Variants in MADD observed in about 807,000 individuals in gnomAD.
MADD encodes MAP kinase-activating death domain protein.
In MADD, 109 loss-of-function variants were observed where a neutral mutation model predicts 176.7. The ratio of observed to expected loss-of-function variants is 0.62; its 90% CI spans 0.53 to 0.72. MADD has a LOEUF of 0.72. MADD is among the 30% of genes least tolerant of loss of function. The pLI is 0.00. For missense variants in MADD, 1,914 were observed against 2,045.5 expected (o/e 0.94, Z 1.24); for synonymous variants, 771 against 771.3 (o/e 1.00, Z 0.01).
exon 3 of MADD, chr11:47,274,619 T>C: frequency 6.2e-7 from 1 of 1,614,216 alleles, no homozygotes; most frequent in East Asian, 2.2e-5. Context: ...CGATACCCCT[T>C]GGAGGATCAC....
intron 12 of MADD, 88 bp from the exon 13 acceptor site, chr11:47,284,853 C>A: frequency 1.3e-6 from 2 of 1,543,914 alleles, no homozygotes; most frequent in Admixed American, 1.8e-5. Context: ...AGAAATCTGA[C>A]AGGCCTGGTC....
At chr11:47,290,416 G>A in intron 18 of MADD, 117 bp downstream of exon 19, 1 of 1,397,796 alleles carries the variant, frequency 7.2e-7, no homozygotes, top group South Asian at 1.4e-5. Context: ...TTCCCATTAG[G>A]CTTTGGGATT....
At chr11:47,285,769 A>G (rs1395333792) in intron 14 of MADD, among the ~76,000 whole-genome samples, 179 bp downstream of exon 14, 1 of 58,614 alleles carries the variant, frequency 1.7e-5, no homozygotes. Context: ...AGTAAAGGAC[A>G]GGGACAGATT....
Position 47,284,352 on chromosome 11 carries a change from C to T in MADD, c.1967-23C>T, listed in dbSNP as rs746524359. The T allele has an allele frequency of 5.6e-6, 9 of 1,613,958 alleles. No individual in the cohort carries two copies. The East Asian group carries it at 1.8e-4, about 32-fold the overall frequency. On this transcript the variant is annotated intron_variant, in intron 11 of 32. Coordinates refer to ENST00000402192, the Ensembl canonical transcript of MADD. The stretch of plus-strand genomic sequence containing the variant: ...GGCCCAAGGATGGAGTGGTCTGTAC[C>T]TGCCTCCCTTGGATTTTGGCAGATG...
rs1223949739 is a variant in MADD at position 47,290,827 on chromosome 11, G to T, written c.3301+11G>T. ...TTATAGCATCTATTGGTACGTATCA[G>T]TGTGTTTGGTGTGGTGGAGGGGTCC... On this transcript the variant is annotated intron_variant, in intron 19 of 32. Coordinates refer to ENST00000402192, the Ensembl canonical transcript of MADD. 1.2e-5 allele frequency: 19 copies of T among 1,589,858 alleles called. No individual in the cohort carries two copies. The highest frequency in any genetic ancestry group is 1.5e-5 in the Non-Finnish European group (17 of 1,160,236).
At position 47,324,284 on chromosome 11, in the gene MADD, G is replaced by A. The variant is rs759633264; in HGVS notation, c.4382G>A (p.Cys1461Tyr). 4 of 1,614,106 alleles carry A rather than the reference G, an allele frequency of 2.5e-6. No individual in the cohort carries two copies. In the African/African-American group the frequency reaches 4.0e-5, roughly 16 times the overall value. Residue 1461 changes from cysteine to tyrosine, a missense_variant, in exon 29 of 33, where the codon TGT becomes TAT. Around this residue, in one of 2 missense-constraint regions of MADD, gnomAD observed 147 missense variants for 209.5 expected, o/e 0.70. Transcript: ENST00000402192. Reference sequence around the variant, plus strand: ...CCACAGTGTCGGGAGCTGTACTACTGTGTGAAGGACAGCATGGAGCGCGCT... The same window carrying A: ...CCACAGTGTCGGGAGCTGTACTACTATGTGAAGGACAGCATGGAGCGCGCT...
intron 20 of MADD, among the ~76,000 whole-genome samples, 200 bp downstream of exon 22, chr11:47,294,183 C>T (rs1324607402): frequency 1.3e-5 from 2 of 151,144 alleles, no homozygotes; most frequent in Non-Finnish European, 2.9e-5. Context: ...AACCCCGCCC[C>T]TATGAAAAAT....
At chr11:47,309,082 C>T (rs184162190) in intron 23 of MADD, 40 bp downstream of exon 26, 151 of 1,594,496 alleles carry the variant, frequency 9.5e-5, no homozygotes, top group Non-Finnish European at 1.2e-4. Context: ...ATCCCTCCTC[C>T]TTGGGAGGGA....
rs1195725984 is a variant in MADD at position 47,285,201 on chromosome 11, G to T, written c.2411+7G>T. On this transcript the variant is annotated splice_region_variant and intron_variant, in intron 13 of 32. Coordinates refer to ENST00000402192, the Ensembl canonical transcript of MADD. ...AACATGTCAGTGGCAATCGGTGAGA[G>T]CCTGGGCATCCCTTCTAGATGGGTG... 1.9e-6 allele frequency: 3 copies of T among 1,612,822 alleles called. No individual in the cohort carries two copies. The highest frequency in any genetic ancestry group is 1.3e-5 in the African/African-American group (1 of 74,898).
intron 6 of MADD, 104 bp from the exon 7 acceptor site, chr11:47,278,895 T>G: frequency 1.2e-6 from 1 of 867,128 alleles, no homozygotes; most frequent in Non-Finnish European, 1.9e-6. Flanking sequence ...TATATTCGTT[T>G]ATATAATAAT....
chr11:47,315,753 G>A (rs527653932), intron 27 of MADD, among the ~76,000 whole-genome samples: 258 of 151,736 alleles, frequency 1.7e-3, no homozygotes, highest in African/African-American at 6.2e-3. Context: ...GGTATTATAG[G>A]CATGAGCCAC....
intron 1 of MADD, 34 bp from the exon 2 acceptor site, chr11:47,273,793 C>A: frequency 1.3e-6 from 1 of 775,316 alleles, no homozygotes; most frequent in South Asian, 1.5e-5. Flanking sequence ...TTAGGCACAG[C>A]AGTGGATCTT....
chr11:47,304,386 A>C (rs940194027), intron 22 of MADD, among the ~76,000 whole-genome samples: 2 of 152,002 alleles, frequency 1.3e-5, no homozygotes, highest in African/African-American at 4.8e-5. Context: ...ATGCGCCACC[A>C]CACCTGGCTA....
chr11:47,301,637 C>A (rs186591086), intron 22 of MADD, among the ~76,000 whole-genome samples: 1 of 152,010 alleles, frequency 6.6e-6, no homozygotes, highest in South Asian at 2.1e-4. Context: ...TTTTTATGTT[C>A]ATTTGTGTGA....
chr11:47,324,686 C>G (rs1291762809), intron 30 of MADD, 109 bp downstream of exon 33: 9 of 783,966 alleles, frequency 1.1e-5, no homozygotes, highest in African/African-American at 1.7e-5. Context: ...CCCTCTGGAG[C>G]TAGAGGGAGA....
chr11:47,328,665 AATT>A, exon 32 of MADD: 3 of 1,614,226 alleles, frequency 1.9e-6, no homozygotes, highest in Non-Finnish European at 2.5e-6. Flanking sequence ...TAGTTCCTGA[AATT>A]AAAGAAGTGG....
Position 47,326,734 on chromosome 11 carries a change from G to T in MADD, c.4543-4G>T. On this transcript the variant is annotated splice_polypyrimidine_tract_variant and splice_region_variant and intron_variant, in intron 30 of 32. Transcript: ENST00000402192. ...TTACCCCGGCCTCCCTCCCTCTCTT[G>T]CAGGTTTTCATAGAGCTGAATCACA... 1 of 1,614,024 alleles carries T rather than the reference G, an allele frequency of 6.2e-7. No individual in the cohort carries two copies. Among genetic ancestry groups the T allele is most frequent in the Non-Finnish European group, 8.5e-7 (1 of 1,179,900 alleles).
intron 15 of MADD, among the ~76,000 whole-genome samples, chr11:47,287,171 A>G (rs1170057644): frequency 6.6e-6 from 1 of 152,164 alleles, no homozygotes; most frequent in Non-Finnish European, 1.5e-5. Context: ...TAAAAATACA[A>G]AAGTTAGCCA....
At chr11:47,285,140 A>T (rs1385527893) in exon 13 of MADD, 2 of 1,614,088 alleles carry the variant, frequency 1.2e-6, no homozygotes, top group Non-Finnish European at 8.5e-7. Flanking sequence ...GAAGATGAGG[A>T]TGAGCAGGGG....
Sources: allele counts gnomAD v4.1 joint callset (sites outside exome capture counted in the v4.1 genomes callset), GRCh38; gene constraint gnomAD v4.1.1; regional missense constraint gnomAD v4.1.1; transcripts MANE v1.5; gene names NCBI Gene and HGNC (gene_info 2026-07-23, HGNC 2026-07-21).